ABCG5: variants seen among roughly 807,000 people sequenced by gnomAD.
The protein encoded by ABCG5 is ATP binding cassette subfamily G member 5, also known as ATP-binding cassette sub-family G member 5.
In ABCG5, 64 loss-of-function variants were observed where a neutral mutation model predicts 64.5. The ratio of observed to expected loss-of-function variants is 0.99; its 90% CI spans 0.81 to 1.22. The LOEUF (loss-of-function observed/expected upper bound fraction) is 1.22. Among genes scored for constraint, ABCG5 ranks in the 50% most tolerant of loss-of-function variants. ABCG5 has a pLI of 0.00. For synonymous variants in ABCG5, 385 were observed against 326.3 expected, an observed-to-expected ratio of 1.18 and a Z score of -1.94; for missense variants, 908 against 829.5, an observed-to-expected ratio of 1.09 and a Z score of -1.16.
chr2:43,814,619 C>T (rs987940944), intron 11 of ABCG5, 30 bp from the exon 12 acceptor site: 4 of 1,340,974 alleles, frequency 3.0e-6, no homozygotes, highest in Non-Finnish European at 4.3e-6. Context: ...AAATGAAATT[C>T]AGTAGGCTCT....
At chr2:43,809,905 T>C, downstream of ABCG5, 1 of 1,426,506 alleles carries the variant, frequency 7.0e-7, no homozygotes, top group Middle Eastern at 2.6e-4. Flanking sequence ...TTTCTTGGAC[T>C]AGTGCATCTC....
intron 10 of ABCG5, 156 bp downstream of exon 10, chr2:43,822,641 A>G (rs1319782968): frequency 2.0e-6 from 2 of 982,748 alleles, no homozygotes; most frequent in Non-Finnish European, 2.4e-6. Context: ...AATAAAATTA[A>G]TGTCCTGGAA....
chr2:43,808,654 A>G (rs144450814), downstream of ABCG5, among the ~76,000 whole-genome samples: 828 of 152,346 alleles, frequency 5.4e-3, 3 homozygotes, highest in Non-Finnish European at 9.6e-3. Flanking sequence ...CTCCTTGTGA[A>G]AAAATTCAAG....
downstream of ABCG5, among the ~76,000 whole-genome samples, chr2:43,810,859 G>A (rs374374610): frequency 1.1e-4 from 17 of 152,252 alleles, no homozygotes; most frequent in East Asian, 3.3e-3. Context: ...CTGACTTGGT[G>A]GGAAGAAACA....
rs773296588 is a variant in ABCG5 at position 43,824,422 on chromosome 2, C to T, written c.915G>A (p.Thr305=). ...SNPFDFYMDL[T]SVDTQSKERE... ...GTTCCTTGCTTTGGGTATCCACTGA[C>T]GTCAGGTCCACTAAAAGTTTTTCCC... Residue 305 remains threonine (T), a synonymous_variant, in exon 8 of 13, where the codon ACG becomes ACA. Coordinates refer to ENST00000405322, the MANE Select transcript of ABCG5 (RefSeq NM_022436.3). 122 of 1,613,786 alleles carry T rather than the reference C, an allele frequency of 7.6e-5. 2 individuals carry two copies. Among genetic ancestry groups the T allele is most frequent in the Middle Eastern group, 1.6e-4 (1 of 6,084 alleles).
intron 2 of ABCG5, among the ~76,000 whole-genome samples, chr2:43,832,924 C>T (rs1486574317): frequency 6.6e-6 from 1 of 152,200 alleles, no homozygotes; most frequent in Non-Finnish European, 1.5e-5. Context: ...ATTCTCCTGC[C>T]TCAGCCTCCT....
intron 4 of ABCG5, among the ~76,000 whole-genome samples, chr2:43,829,448 G>C (rs776014878): frequency 6.6e-6 from 1 of 151,936 alleles, no homozygotes; most frequent in Non-Finnish European, 1.5e-5. Context: ...AATTCTCTTC[G>C]CTGTACTTAA....
rs774651183 is a variant in ABCG5, at chr2:43,813,199, G to C, written c.1873C>G (p.Leu625Val). The change falls in exon 13 of 13, where the codon CTG becomes GTG. Residue 625 changes from leucine to valine, a missense_variant. Physicochemically the swap from Leu to Val is conservative, Grantham distance 32. Coordinates refer to ENST00000405322, the MANE Select transcript of ABCG5 (RefSeq NM_022436.3). ...GATSRFTMNF[L>V]ILYSFIPALV... ...GCTGGAATAAATGAATACAAAATCA[G>C]AAAGTTCATTGTGAATCTAGATGTT... 6.2e-7 allele frequency: 1 copy of C among 1,603,982 alleles called. No homozygotes were observed. The highest frequency in any genetic ancestry group is 1.1e-5 in the South Asian group (1 of 90,826).
chr2:43,810,630 A>C, downstream of ABCG5: 1 of 551,470 alleles, frequency 1.8e-6, no homozygotes, highest in Non-Finnish European at 2.3e-6. Flanking sequence ...TACTACCCCA[A>C]GGGAGTACTG....
intron 6 of ABCG5, 21 bp from the exon 7 acceptor site, chr2:43,825,039 G>C: frequency 2.5e-6 from 4 of 1,612,604 alleles, no homozygotes; most frequent in Non-Finnish European, 3.4e-6. Flanking sequence ...AACAGACGTA[G>C]TTAGTGTGTG....
At chr2:43,826,261 A>T (rs1667595131) in intron 6 of ABCG5, 121 bp downstream of exon 6, 10 of 1,486,458 alleles carry the variant, frequency 6.7e-6, no homozygotes, top group Non-Finnish European at 9.2e-6. Flanking sequence ...CAGCCTCCCA[A>T]AGTGCTGGAA....
chr2:43,831,718 G>A (rs895043843), intron 4 of ABCG5, 51 bp downstream of exon 4: 9 of 1,497,626 alleles, frequency 6.0e-6, no homozygotes, highest in South Asian at 1.2e-5. Context: ...AGGGCAGCGG[G>A]GGGTGCAAAG....
Position 43,813,263 on chromosome 2 carries a change from A to G in ABCG5, c.1809T>C (p.Thr603=), listed in dbSNP as rs1325054625. 1.2e-6 allele frequency: 2 copies of G among 1,613,962 alleles called. No homozygotes were observed. Among genetic ancestry groups the G allele is most frequent in the South Asian group, 2.2e-5 (2 of 91,010 alleles). ...TTTTCTCAATGAATTGAATTCCTTG[A>G]GTGAAGGCACACATTGGATTAGTTG... ...SVTTNPMCAF[T]QGIQFIEKTC... The change falls in exon 13 of 13, where the codon ACT becomes ACC. Residue 603 remains threonine, a synonymous_variant. Transcript: ENST00000405322.
At chr2:43,837,712 A>G (rs1365734567) in intron 2 of ABCG5, 122 bp downstream of exon 2, 2 of 1,306,776 alleles carry the variant, frequency 1.5e-6, no homozygotes, top group Non-Finnish European at 2.2e-6. Flanking sequence ...TCACAGTCAG[A>G]TATCAATAGA....
rs146534033 is a variant in ABCG5 at position 43,814,506 on chromosome 2, T to C, written c.1733A>G (p.Asn578Ser). ...QKYCSEILVV[N>S]EFYGLNFTCG... ...AGTGAAATTCAGTCCGTAGAACTCA[T>C]TGACTACAAGAATCTCACTGCAATA... Residue 578 changes from asparagine to serine, a missense_variant, in exon 12 of 13, where the codon AAT becomes AGT. Coordinates refer to ENST00000405322, the MANE Select transcript of ABCG5 (RefSeq NM_022436.3). The C allele has an allele frequency of 1.4e-4, 219 of 1,608,272 alleles. 1 individual carries two copies. The highest frequency in any genetic ancestry group is 1.3e-3 in the Admixed American group (76 of 59,988).
downstream of ABCG5, chr2:43,809,811 CA>C (rs780620194): frequency 9.6e-6 from 15 of 1,566,026 alleles, no homozygotes; most frequent in South Asian, 1.3e-4. Flanking sequence ...TTTCCAAATA[CA>C]AATAAGATTA....
At chr2:43,824,157 T>A (rs1418461817) in intron 8 of ABCG5, 39 bp from the exon 9 acceptor site, 2 of 1,614,032 alleles carry the variant, frequency 1.2e-6, no homozygotes, top group African/African-American at 2.7e-5. Context: ...CTTTTCAGAA[T>A]TGTTATTGGG....
intron 10 of ABCG5, among the ~76,000 whole-genome samples, chr2:43,822,230 T>A (rs1667258332): frequency 6.6e-6 from 1 of 152,156 alleles, no homozygotes; most frequent in Non-Finnish European, 1.5e-5. Flanking sequence ...CGAAGCTCTT[T>A]TTTGGGAAAT....
At chr2:43,820,576 C>T (rs1329010099) in intron 10 of ABCG5, among the ~76,000 whole-genome samples, 4 of 152,162 alleles carry the variant, frequency 2.6e-5, no homozygotes, top group East Asian at 1.9e-4. Flanking sequence ...TTCTTTTGTC[C>T]TCGATCAGGT....
Sources: allele counts gnomAD v4.1 joint callset (sites outside exome capture counted in the v4.1 genomes callset), GRCh38; gene constraint gnomAD v4.1.1; transcripts MANE v1.5; gene names NCBI Gene and HGNC (gene_info 2026-07-23, HGNC 2026-07-21).